The following TIAM1 variants were observed in gnomAD, a reference collection of about 807,000 sequenced individuals.
TIAM1 encodes rho guanine nucleotide exchange factor TIAM1.
Under a neutral mutation model 163.5 loss-of-function variants are expected in TIAM1, and 65 were observed. The observed-to-expected ratio is 0.40, with a 90% CI of 0.33 to 0.49. The LOEUF (loss-of-function observed/expected upper bound fraction) is 0.49, where lower values mean the gene tolerates loss of function less well. Ranked by LOEUF, TIAM1 falls within the 20% of genes least tolerant of loss-of-function variation. The probability of loss-of-function intolerance (pLI) is 0.77; values close to 1 mark genes in which losing one functional copy is unlikely to be tolerated. For synonymous variants in TIAM1, 833 were observed against 810.1 expected (o/e 1.03, Z -0.48); for missense variants, 1,789 against 2,044.7 (o/e 0.87, Z 2.41).
At chr21:31,164,279 A>G (rs2084091003) in intron 16 of TIAM1, among the ~76,000 whole-genome samples, 1 of 151,792 alleles carries the variant, frequency 6.6e-6, no homozygotes, top group African/African-American at 2.4e-5. Context: ...AGTCCTAGCT[A>G]CTCGGGAGGC....
intron 22 of TIAM1, among the ~76,000 whole-genome samples, chr21:31,138,842 G>T (rs1357726080): frequency 2.0e-5 from 3 of 152,146 alleles, no homozygotes; most frequent in African/African-American, 7.2e-5. Flanking sequence ...TTTCCTGCTC[G>T]TTTGTCTTAT....
intron 2 of TIAM1, among the ~76,000 whole-genome samples, chr21:31,325,188 G>A (rs989427533): frequency 2.0e-5 from 3 of 151,918 alleles, no homozygotes; most frequent in Non-Finnish European, 4.4e-5. Flanking sequence ...GGAGGCAGAG[G>A]TAGGAAGACC....
intron 2 of TIAM1, among the ~76,000 whole-genome samples, chr21:31,299,801 C>G (rs1051194131): frequency 6.6e-6 from 1 of 152,168 alleles, no homozygotes; most frequent in Non-Finnish European, 1.5e-5. Context: ...CCTCGGTTTC[C>G]TCACTGGTAA....
chr21:31,513,319 C>A (rs1380928457), intron 1 of TIAM1, among the ~76,000 whole-genome samples: 2 of 152,168 alleles, frequency 1.3e-5, no homozygotes, highest in African/African-American at 4.8e-5. Flanking sequence ...AGAGAAGCTA[C>A]CTGCCCAAAG....
At chr21:31,301,205 TCTC>T (rs1469970061) in intron 2 of TIAM1, among the ~76,000 whole-genome samples, 1 of 152,206 alleles carries the variant, frequency 6.6e-6, no homozygotes, top group African/African-American at 2.4e-5. Context: ...CCTCACGAGT[TCTC>T]CTGGAAGGAT....
chr21:31,477,663 C>T (rs987281918), intron 1 of TIAM1, among the ~76,000 whole-genome samples: 22 of 151,894 alleles, frequency 1.4e-4, no homozygotes, highest in Admixed American at 1.1e-3. Flanking sequence ...TTAGGAGAGA[C>T]GGGGGTTTCA....
intron 2 of TIAM1, among the ~76,000 whole-genome samples, chr21:31,284,157 G>C (rs2073693363): frequency 6.6e-6 from 1 of 152,196 alleles, no homozygotes; most frequent in East Asian, 1.9e-4. Context: ...CTAAGCTCGT[G>C]CAAGAAGACA....
At chr21:31,199,734 T>C (rs1227172424) in intron 12 of TIAM1, among the ~76,000 whole-genome samples, 1 of 151,372 alleles carries the variant, frequency 6.6e-6, no homozygotes, top group African/African-American at 2.4e-5. Flanking sequence ...TTTCAGCATG[T>C]TGGCCAAGCT....
chr21:31,263,121 G>A (rs2072571316), intron 4 of TIAM1, among the ~76,000 whole-genome samples: 1 of 152,110 alleles, frequency 6.6e-6, no homozygotes, highest in African/African-American at 2.4e-5. Context: ...TCCGGGGTTT[G>A]TTTCAAGTCA....
chr21:31,213,717 T>C (rs1250687692), intron 9 of TIAM1, among the ~76,000 whole-genome samples: 1 of 152,020 alleles, frequency 6.6e-6, no homozygotes, highest in African/African-American at 2.4e-5. Context: ...CTCTCAAATA[T>C]GGATAATTCA....
intron 4 of TIAM1, among the ~76,000 whole-genome samples, chr21:31,265,597 T>C (rs1539757): frequency 0.12 from 17,986 of 150,508 alleles, 1,639 homozygotes; most frequent in East Asian, 0.42. Flanking sequence ...CCGACTAACC[T>C]CCTCCCACCT....
chr21:31,242,115 A>G (rs2071213588), intron 6 of TIAM1, among the ~76,000 whole-genome samples: 1 of 152,240 alleles, frequency 6.6e-6, no homozygotes, highest in African/African-American at 2.4e-5. Flanking sequence ...GATTTCAAGC[A>G]ACTATTTTGA....
chr21:31,210,268 C>T (rs2086654585), intron 10 of TIAM1, 53 bp from the exon 11 acceptor site: 1 of 1,580,722 alleles, frequency 6.3e-7, no homozygotes, highest in Non-Finnish European at 8.6e-7. Flanking sequence ...TCTGACAACC[C>T]TAGATTCCCA....
chr21:31,174,630 T>A (rs920357655), intron 15 of TIAM1, among the ~76,000 whole-genome samples: 1 of 152,340 alleles, frequency 6.6e-6, no homozygotes, highest in East Asian at 1.9e-4. Flanking sequence ...TTATTATTTT[T>A]AAAATTGTTA....
intron 2 of TIAM1, among the ~76,000 whole-genome samples, chr21:31,419,813 G>A (rs1055738543): frequency 3.3e-5 from 5 of 152,178 alleles, no homozygotes; most frequent in Non-Finnish European, 5.9e-5. Context: ...CACTTTGGGA[G>A]GTCAAGGCGG....
At chr21:31,539,907 G>A (rs2048265211) in intron 1 of TIAM1, among the ~76,000 whole-genome samples, 1 of 152,032 alleles carries the variant, frequency 6.6e-6, no homozygotes, top group South Asian at 2.1e-4. Context: ...TATCAAAAAG[G>A]CCCAGTGCAA....
intron 16 of TIAM1, among the ~76,000 whole-genome samples, chr21:31,161,950 G>T (rs1460212477): frequency 6.6e-6 from 1 of 152,178 alleles, no homozygotes; most frequent in Non-Finnish European, 1.5e-5. Context: ...GAGACACACA[G>T]AAACATTAAG....
chr21:31,519,390 T>A (rs1012105655), intron 1 of TIAM1, among the ~76,000 whole-genome samples: 8 of 145,610 alleles, frequency 5.5e-5, no homozygotes, highest in Non-Finnish European at 9.0e-5. Flanking sequence ...ATGTTTGTCA[T>A]CCCAGCTACT....
intron 6 of TIAM1, among the ~76,000 whole-genome samples, chr21:31,240,216 T>C (rs1293137889): frequency 6.6e-6 from 1 of 152,068 alleles, no homozygotes; most frequent in African/African-American, 2.4e-5. Context: ...CAATGGGGGT[T>C]GGGGTGGGGT....
Sources: gnomAD v4.1 joint callset for allele counts (sites outside exome capture counted in the v4.1 genomes callset) on GRCh38, gnomAD v4.1.1 for gene constraint, MANE v1.5 for transcripts, NCBI Gene and HGNC (gene_info 2026-07-23, HGNC 2026-07-21) for gene names.